VWF: variants seen among roughly 807,000 people sequenced by gnomAD.
VWF encodes the protein Factor VIII related antigen.
A neutral mutation model predicts 308.6 loss-of-function variants in VWF; 176 were observed. That is an observed-to-expected ratio of 0.57 (90% confidence interval 0.50 to 0.65). VWF has a LOEUF of 0.65. Among genes scored for constraint, VWF ranks in the 30% least tolerant of loss-of-function variants. The pLI, the probability that VWF is intolerant of heterozygous loss-of-function variation, is 0.00. For synonymous variants in VWF, 1,385 were observed against 1,443.4 expected (o/e 0.96, Z 0.92); for missense variants, 3,146 against 3,648.2 (o/e 0.86, Z 3.55).
chr12:6,090,896 A>G (rs1945027291), intron 6 of VWF, among the ~76,000 whole-genome samples: 1 of 152,164 alleles, frequency 6.6e-6, no homozygotes, highest in African/African-American at 2.4e-5. Flanking sequence ...GGGGCTATCA[A>G]GGGTATGGTT....
chr12:6,017,575 C>T (rs901753714), intron 28 of VWF, among the ~76,000 whole-genome samples: 2 of 152,164 alleles, frequency 1.3e-5, no homozygotes, highest in Non-Finnish European at 2.9e-5. Context: ...ATGGATTAGA[C>T]GCCAGTGTCA....
chr12:6,060,601 A>G lies in VWF; in HGVS notation c.1533+2353T>C, dbSNP rs1244594979. 2.0e-5 allele frequency among the ~76,000 whole-genome samples: 3 copies of G among 152,176 alleles called. No individual in the cohort carries two copies. The highest frequency in any genetic ancestry group is 2.0e-4 in the Admixed American group (3 of 15,280). On this transcript the variant is annotated intron_variant, in intron 13 of 51. Transcript: ENST00000261405. The surrounding 1 kb of genome is among the most constrained non-coding windows in gnomAD (Gnocchi z 5.1). ...GGAATCTGTGTAAAGAAAAAGAAAA[A>G]AGAAAAATATATATAAAAAGACAGT... is the stretch of plus-strand genomic sequence containing the variant.
intron 40 of VWF, among the ~76,000 whole-genome samples, chr12:5,984,014 AG>A (rs1943647284): frequency 8.1e-6 from 1 of 124,078 alleles, no homozygotes; most frequent in Non-Finnish European, 1.6e-5. Context: ...ATAGATAGAT[AG>A]ATAGACAGAC....
intron 47 of VWF, among the ~76,000 whole-genome samples, chr12:5,964,250 G>A (rs10466903): frequency 0.016 from 1,945 of 121,672 alleles, 26 homozygotes; most frequent in African/African-American, 0.046. Context: ...ATACATACAT[G>A]CATACATACA....
At position 6,026,058 on chromosome 12, in the gene VWF, A is replaced by G. The variant is rs371677551; in HGVS notation, c.2968-12T>C. The G allele has an allele frequency of 1.2e-4, 189 of 1,613,788 alleles. No homozygotes were observed. Among genetic ancestry groups the G allele is most frequent in the Non-Finnish European group, 1.5e-4 (179 of 1,179,860 alleles). Reference sequence around the variant, plus strand: ...CCACACACTTTCTCCTTGAGAGACAAGTTGAGGGATGAGCACCGTCAAGCC... The same window carrying G: ...CCACACACTTTCTCCTTGAGAGACAGGTTGAGGGATGAGCACCGTCAAGCC... On this transcript the variant is annotated splice_polypyrimidine_tract_variant and intron_variant, in intron 22 of 51. Coordinates refer to ENST00000261405, the MANE Select transcript of VWF (RefSeq NM_000552.5).
At chr12:5,995,870 C>T in intron 35 of VWF, 132 bp downstream of exon 35, 1 of 819,126 alleles carries the variant, frequency 1.2e-6, no homozygotes, top group African/African-American at 1.7e-5. Flanking sequence ...GAAAGTGGTA[C>T]TCCTCTCCTC....
chr12:6,085,149 G>T (rs1208909528), intron 6 of VWF, among the ~76,000 whole-genome samples: 3 of 152,216 alleles, frequency 2.0e-5, no homozygotes, highest in Non-Finnish European at 2.9e-5. Flanking sequence ...AGGGATTAGG[G>T]CATGCTGGCT....
rs1179201265 is a variant in VWF, at chr12:5,949,159, A to G, written c.8298T>C (p.Asp2766=). The G allele has an allele frequency of 2.5e-6, 4 of 1,614,274 alleles. No homozygotes were observed. Among genetic ancestry groups the G allele is most frequent in the East Asian group, 2.2e-5 (1 of 44,896 alleles). Residue 2766 remains aspartate (D), a synonymous_variant, in exon 52 of 52, where the codon GAT becomes GAC. Coordinates refer to ENST00000261405, the MANE Select transcript of VWF (RefSeq NM_000552.5). The part of the protein sequence containing the change: ...SKAMYSIDIN[D]VQDQCSCCSP... Reference sequence around the variant, plus strand: ...AGCAGCAGGAGCACTGGTCCTGCACATCGTTGATGTCAATGGAGTACATGG... The same window carrying G: ...AGCAGCAGGAGCACTGGTCCTGCACGTCGTTGATGTCAATGGAGTACATGG...
At chr12:5,964,234 AC>A (rs1943361667) in intron 47 of VWF, among the ~76,000 whole-genome samples, 1 of 144,114 alleles carries the variant, frequency 6.9e-6, no homozygotes, top group African/African-American at 2.9e-5. Flanking sequence ...ATACATACAT[AC>A]ATACATACAT....
In VWF at chr12:6,009,113, TGC is replaced by T. The variant is rs565634269; in HGVS notation, c.5842+2502_5842+2503del. ...ACTACAGCAAACCAAAAAGCTTCTG[TGC>T]AGCCAAAGAAACAATCAACAGAATA... On this transcript the variant is annotated intron_variant, in intron 34 of 51. Transcript: ENST00000261405. Among the ~76,000 whole-genome samples, 319 of 152,084 alleles carry T rather than the reference TGC, an allele frequency of 2.1e-3. 4 individuals carry two copies. The highest frequency in any genetic ancestry group is 6.8e-3 in the Middle Eastern group (2 of 294).
In VWF at chr12:6,062,963, C is replaced by T. The variant is rs778706749; in HGVS notation, c.1524G>A (p.Leu508=). 9.9e-6 allele frequency: 16 copies of T among 1,612,418 alleles called. No homozygotes were observed. Among genetic ancestry groups the T allele is most frequent in the Non-Finnish European group, 1.4e-5 (16 of 1,179,970 alleles). ...CCGTGAGGGCACCTACCTTCACCAG[C>T]AGCCTCCCGCGGCCATCCCAGTCCA... ...LQMDWDGRGR[L]LVKLSPVYAG... Residue 508 remains leucine (L), a synonymous_variant, in exon 13 of 52, where the codon CTG becomes CTA. Transcript: ENST00000261405.
intron 5 of VWF, among the ~76,000 whole-genome samples, chr12:6,105,854 G>A (rs1011277227): frequency 3.3e-5 from 5 of 151,558 alleles, no homozygotes; most frequent in Admixed American, 2.0e-4. Flanking sequence ...GGCCAACATG[G>A]TGAAACCCCA....
At position 6,075,870 on chromosome 12, in the gene VWF, C is replaced by A. The variant is rs544428468; in HGVS notation, c.658-319G>T. Among the ~76,000 whole-genome samples, 1 of 152,194 alleles carries A rather than the reference C, an allele frequency of 6.6e-6. No individual in the cohort carries two copies. The highest frequency in any genetic ancestry group is 1.5e-5 in the Non-Finnish European group (1 of 68,030). ...GATGGAGAGAAGCACAAAGAGCATG[C>A]GCCCTGGAGTTGGCCTGGGTGGCTG... On this transcript the variant is annotated intron_variant, in intron 6 of 51. Transcript: ENST00000261405. The surrounding 1 kb of genome is among the most constrained non-coding windows in gnomAD (Gnocchi z 4.7).
intron 34 of VWF, among the ~76,000 whole-genome samples, chr12:6,010,375 C>T (rs1183212619): frequency 1.3e-5 from 2 of 152,178 alleles, no homozygotes; most frequent in Non-Finnish European, 2.9e-5. Context: ...TCTCATACCT[C>T]GCTGATCGAA....
chr12:6,123,022 C>T (rs1945447759), intron 2 of VWF, 120 bp downstream of exon 2: 4 of 1,323,222 alleles, frequency 3.0e-6, no homozygotes, highest in Admixed American at 3.4e-5. Flanking sequence ...AGGCAACCAA[C>T]AGCCTAAGTT....
At chr12:6,099,266 C>G (rs1308889607) in intron 5 of VWF, among the ~76,000 whole-genome samples, 1 of 150,476 alleles carries the variant, frequency 6.6e-6, no homozygotes, top group Admixed American at 6.6e-5. Context: ...TTGCAGTGAG[C>G]CCCGATCGCG....
rs1236129938 is a variant in VWF, at chr12:6,062,660, C to T, written c.1533+294G>A. ...CCCTGCTCCCGGGCCTTGTTTCAGC[C>T]GGGAGATTGGACAGCAAACCTGCTC... On this transcript the variant is annotated intron_variant, in intron 13 of 51. Coordinates refer to ENST00000261405, the MANE Select transcript of VWF (RefSeq NM_000552.5). Among the ~76,000 whole-genome samples, 8 of 152,260 alleles carry T rather than the reference C, an allele frequency of 5.3e-5. No homozygotes were observed. The South Asian group carries it at 8.3e-4, about 16-fold the overall frequency.
At position 5,952,590 on chromosome 12, in the gene VWF, T is replaced by C; in HGVS notation, c.7987-71A>G. Reference sequence around the variant, plus strand: ...CACAAAGCCACTTCAAACCATGAGCTTGACTCCATGGAGATGACGAAACAA... The same window carrying C: ...CACAAAGCCACTTCAAACCATGAGCCTGACTCCATGGAGATGACGAAACAA... On this transcript the variant is annotated intron_variant, in intron 48 of 51. Coordinates refer to ENST00000261405, the MANE Select transcript of VWF (RefSeq NM_000552.5). The C allele has an allele frequency of 1.9e-6, 3 of 1,582,960 alleles. No individual in the cohort carries two copies. The South Asian group carries it at 3.4e-5, about 18-fold the overall frequency.
chr12:6,034,921 T>C (rs1944318608), intron 19 of VWF, 95 bp from the exon 20 acceptor site: 1 of 1,506,226 alleles, frequency 6.6e-7, no homozygotes, highest in Admixed American at 1.8e-5. Context: ...CAGAATACTC[T>C]GGGTGCCTCC....
Sources: gnomAD v4.1 joint callset for allele counts (sites outside exome capture counted in the v4.1 genomes callset) on GRCh38, gnomAD v4.1.1 for gene constraint, Gnocchi (gnomAD v3.1) non-coding constraint, MANE v1.5 for transcripts, NCBI Gene and HGNC (gene_info 2026-07-23, HGNC 2026-07-21) for gene names.